ADAMTS13: variants seen among roughly 807,000 people sequenced by gnomAD.
The protein encoded by ADAMTS13 is A disintegrin and metalloproteinase with thrombospondin motifs 13.
A neutral mutation model predicts 155.1 loss-of-function variants in ADAMTS13; 110 were observed. That is an observed-to-expected ratio of 0.71 (90% confidence interval 0.61 to 0.83). The LOEUF (loss-of-function observed/expected upper bound fraction) is 0.83, where lower values mean the gene tolerates loss of function less well. ADAMTS13 is among the 40% of genes least tolerant of loss of function. The probability of loss-of-function intolerance (pLI) is 0.00; values close to 1 mark genes in which losing one functional copy is unlikely to be tolerated. For synonymous variants in ADAMTS13, 758 were observed against 756.4 expected (o/e 1.00, Z -0.03); for missense variants, 1,707 against 1,891.7 (o/e 0.90, Z 1.81).
intron 24 of ADAMTS13, 104 bp downstream of exon 24, chr9:133,454,723 C>T: frequency 1.4e-6 from 2 of 1,390,762 alleles, no homozygotes; most frequent in Non-Finnish European, 2.0e-6. Flanking sequence ...ATCGTGTCCC[C>T]TGAAAGGAAG....
intron 1 of ADAMTS13, among the ~76,000 whole-genome samples, chr9:133,415,365 T>C (rs918690820): frequency 6.6e-6 from 1 of 151,978 alleles, no homozygotes; most frequent in Non-Finnish European, 1.5e-5. Context: ...ATTTTGGAGT[T>C]AACTTCCCTC....
chr9:133,429,606 T>C, intron 7 of ADAMTS13: 1 of 265,888 alleles, frequency 3.8e-6, no homozygotes, highest in Non-Finnish European at 7.6e-6. Flanking sequence ...CCCACACCCC[T>C]ATCTCCCCCA....
At chr9:133,452,584 G>C (rs782155665) in intron 23 of ADAMTS13, among the ~76,000 whole-genome samples, 2 of 152,144 alleles carry the variant, frequency 1.3e-5, no homozygotes, top group Non-Finnish European at 2.9e-5. Flanking sequence ...ACTGCACGCT[G>C]CCTGCATGGT....
At chr9:133,419,938 C>G, upstream of ADAMTS13, among the ~76,000 whole-genome samples, 1 of 144,584 alleles carries the variant, frequency 6.9e-6, no homozygotes, top group Non-Finnish European at 1.5e-5. Context: ...AAGTTATGCT[C>G]TTGTCGCCCA....
rs781888317 is a variant in ADAMTS13 at position 133,439,363 on chromosome 9, T to C, written c.1706-3T>C. 1.2e-6 allele frequency: 2 copies of C among 1,608,342 alleles called. No homozygotes were observed. Among genetic ancestry groups the C allele is most frequent in the Non-Finnish European group, 1.7e-6 (2 of 1,174,930 alleles). ...GCATCTCTCCTTCTTTTCTTCTTTCTAGAATATGTCACGTTTCTGACAGTT... is the reference window on the plus strand; with the variant it reads ...GCATCTCTCCTTCTTTTCTTCTTTCCAGAATATGTCACGTTTCTGACAGTT... On this transcript the variant is annotated splice_polypyrimidine_tract_variant and splice_region_variant and intron_variant, in intron 14 of 28. Coordinates refer to ENST00000355699, the MANE Select transcript of ADAMTS13 (RefSeq NM_139027.6).
chr9:133,428,775 G>A lies in ADAMTS13; in HGVS notation c.824+4G>A. On this transcript the variant is annotated splice_donor_region_variant and intron_variant, in intron 7 of 28. Transcript: ENST00000355699. Reference sequence around the variant, plus strand: ...GGCAGCTGCTGAGCCTGCTCAGGTAGCGGCCGCCCCGTGGGAGGGGCGCGC... The same window carrying A: ...GGCAGCTGCTGAGCCTGCTCAGGTAACGGCCGCCCCGTGGGAGGGGCGCGC... 7.6e-7 allele frequency: 1 copy of A among 1,323,546 alleles called. No homozygotes were observed. Among genetic ancestry groups the A allele is most frequent in the Non-Finnish European group, 9.7e-7 (1 of 1,035,120 alleles). The allele number at this position is 1,323,546 out of a possible 1,614,324, so 82.0% of individuals were successfully genotyped here.
chr9:133,452,811 A>G (rs184961896), intron 23 of ADAMTS13, among the ~76,000 whole-genome samples: 1 of 152,208 alleles, frequency 6.6e-6, no homozygotes, highest in Non-Finnish European at 1.5e-5. Context: ...AGCTCTGGCC[A>G]TCCCTCTGAC....
upstream of ADAMTS13, chr9:133,422,064 T>G: frequency 7.9e-6 from 2 of 252,420 alleles, no homozygotes; most frequent in South Asian, 6.9e-5. Flanking sequence ...GGAGAGGGAG[T>G]CAGCCGAGGT....
In ADAMTS13 at chr9:133,430,077, C is replaced by T. The variant is rs1840632552; in HGVS notation, c.963C>T (p.Ala321=). Residue 321 remains alanine (A), a synonymous_variant, in exon 8 of 29, where the codon GCC becomes GCT. Transcript: ENST00000355699. ...TGGCCTTCGGCCCCAAGGCTGTCGC[C>T]TGCACCTTCGCCAGGGAGCACCTGG... ...CRVAFGPKAV[A]CTFAREHLDM... The T allele has an allele frequency of 1.3e-6, 2 of 1,593,716 alleles. No individual in the cohort carries two copies. Among genetic ancestry groups the T allele is most frequent in the Non-Finnish European group, 1.7e-6 (2 of 1,175,774 alleles).
rs781869555 is a variant in ADAMTS13 at position 133,448,734 on chromosome 9, TGAGGGGAGC to T, written c.2861+7_2861+15del. The T allele has an allele frequency of 5.0e-6, 8 of 1,599,316 alleles. No homozygotes were observed. The South Asian group carries it at 7.7e-5, about 15-fold the overall frequency. On this transcript the variant is annotated splice_region_variant and intron_variant, in intron 22 of 28. Transcript: ENST00000355699. The stretch of plus-strand genomic sequence containing the variant: ...GCTGTCCCGTGCCCTGCTCGGTGAG[TGAGGGGAGC>T]AAGACTGTGTGCTGGCCTTCTCCCT...
rs1554790466 is a variant in ADAMTS13, at chr9:133,440,567, T to C, written c.1968+42T>C. The C allele has an allele frequency of 6.5e-7, 1 of 1,541,486 alleles. No individual in the cohort carries two copies. The highest frequency in any genetic ancestry group is 2.4e-5 in the East Asian group (1 of 42,072). ...GGGGGAGGCCAGTGGGGGCTTCTTC[T>C]TGGGGGCTATGGCTGCTTGCTCGTT... On this transcript the variant is annotated intron_variant, in intron 16 of 28. Transcript: ENST00000355699. This position sits in a 1 kb window ranked among gnomAD's most constrained non-coding sequence, Gnocchi z 4.3.
Position 133,425,507 on chromosome 9 carries a change from T to G in ADAMTS13, c.331-22T>G, listed in dbSNP as rs782547778. The G allele has an allele frequency of 1.2e-6, 2 of 1,608,268 alleles. No individual in the cohort carries two copies. Among genetic ancestry groups the G allele is most frequent in the Non-Finnish European group, 1.7e-6 (2 of 1,177,820 alleles). Reference sequence around the variant, plus strand: ...GGCAATGCCCACCCGACGGGTTACCTCTCTCATCTGCCCTTGCACAGGGGG... The same window carrying G: ...GGCAATGCCCACCCGACGGGTTACCGCTCTCATCTGCCCTTGCACAGGGGG... On this transcript the variant is annotated intron_variant, in intron 3 of 28. Coordinates refer to ENST00000355699, the MANE Select transcript of ADAMTS13 (RefSeq NM_139027.6). The surrounding 1 kb of genome is among the most constrained non-coding windows in gnomAD (Gnocchi z 4.6).
chr9:133,434,210 G>A lies in ADAMTS13; in HGVS notation c.1308+506G>A, dbSNP rs587754536. ...CCTGAAGCGTCCCGCCTCCCTCCCT[G>A]AGTGCCACTTTGCCCTCCAGAGCGC... On this transcript the variant is annotated intron_variant, in intron 11 of 28. Coordinates refer to ENST00000355699, the MANE Select transcript of ADAMTS13 (RefSeq NM_139027.6). 5.3e-5 allele frequency among the ~76,000 whole-genome samples: 8 copies of A among 152,270 alleles called. No homozygotes were observed. The South Asian group carries it at 1.7e-3, about 32-fold the overall frequency.
intron 28 of ADAMTS13, among the ~76,000 whole-genome samples, chr9:133,458,555 C>CAAAAAAAAAAAAA (rs10699153): frequency 5.3e-5 from 3 of 56,228 alleles, no homozygotes; most frequent in Non-Finnish European, 8.9e-5. Flanking sequence ...GACTCTGTCT[C>CAAAAAAAAAAAAA]AAAAAAAAAA....
At chr9:133,434,894 C>T (rs888893711) in intron 11 of ADAMTS13, among the ~76,000 whole-genome samples, 2 of 152,226 alleles carry the variant, frequency 1.3e-5, no homozygotes, top group African/African-American at 2.4e-5. Flanking sequence ...AGGTGTGCTT[C>T]CTGCCTGCCT....
intron 12 of ADAMTS13, 69 bp downstream of exon 12, chr9:133,437,024 TA>T (rs1295126469): frequency 8.3e-5 from 126 of 1,525,874 alleles, no homozygotes; most frequent in Non-Finnish European, 1.1e-4. Context: ...GGCAGAGTCA[TA>T]GGGGGGTTGG....
upstream of ADAMTS13, chr9:133,418,167 G>A (rs983958335): frequency 1.5e-5 from 6 of 393,566 alleles, no homozygotes; most frequent in Non-Finnish European, 2.8e-5. Context: ...CATCGACCTC[G>A]AGTTTGACTG....
rs782551802 is a variant in ADAMTS13, at chr9:133,459,145, GA to G, written c.4082del (p.Asp1361AlafsTer15). ...TLQSWVPEMQ[D>X]PQSWKGKEGT ...CCAATCATGGGTACCGGAGATGCAG[GA>G]CCCTCAGTCCTGGAAGGGAAAGGAA... On this transcript the variant is annotated frameshift_variant, in exon 29 of 29. Transcript: ENST00000355699. LOFTEE classifies it low-confidence loss of function (END_TRUNC). 9 of 1,612,478 alleles carry G rather than the reference GA, an allele frequency of 5.6e-6. No homozygotes were observed. In the African/African-American group the frequency reaches 1.2e-4, roughly 22 times the overall value.
Position 133,456,673 on chromosome 9 carries a change from G to A in ADAMTS13, c.3678G>A (p.Val1226=), listed in dbSNP as rs36222899. ...GCTGCGGGCGGCCAGGAGGTGGGGTGCTGCTGCGGTATGGGAGCCAGCTTG... is the reference window on the plus strand; with the variant it reads ...GCTGCGGGCGGCCAGGAGGTGGGGTACTGCTGCGGTATGGGAGCCAGCTTG... ...RQRCGRPGGG[V]LLRYGSQLAP... Residue 1226 remains valine, a synonymous_variant, in exon 27 of 29, where the codon GTG becomes GTA. Transcript: ENST00000355699. This position sits in a 1 kb window ranked among gnomAD's most constrained non-coding sequence, Gnocchi z 4.4. The A allele has an allele frequency of 1.5e-3, 2,321 of 1,593,784 alleles. 29 individuals are homozygous for A. The African/African-American group carries it at 0.027, about 19-fold the overall frequency.
Sources: allele counts gnomAD v4.1 joint callset (sites outside exome capture counted in the v4.1 genomes callset), GRCh38; gene constraint gnomAD v4.1.1; non-coding constraint Gnocchi (gnomAD v3.1); transcripts MANE v1.5; gene names NCBI Gene and HGNC (gene_info 2026-07-23, HGNC 2026-07-21).